ANKRD45: variants seen among roughly 807,000 people sequenced by gnomAD.
ANKRD45 encodes ankyrin repeat domain-containing protein 45.
A neutral mutation model predicts 28.1 loss-of-function variants in ANKRD45; 21 were observed. The observed-to-expected ratio is 0.75, with a 90% confidence interval of 0.53 to 1.08. The LOEUF (loss-of-function observed/expected upper bound fraction) is 1.08, where lower values mean the gene tolerates loss of function less well. Ranked by LOEUF, ANKRD45 falls within the 50% of genes least tolerant of loss-of-function variation. The pLI is 0.00. For synonymous variants in ANKRD45, 86 were observed against 103.9 expected, an observed-to-expected ratio of 0.83 and a Z score of 1.05; for missense variants, 261 against 308.7, an observed-to-expected ratio of 0.85 and a Z score of 1.16.
intron 2 of ANKRD45, among the ~76,000 whole-genome samples, chr1:173,650,044 G>C (rs533055684): frequency 4.6e-5 from 7 of 152,078 alleles, no homozygotes; most frequent in Admixed American, 4.6e-4. Context: ...TATACATTTC[G>C]TGTGGTCTTT....
intron 1 of ANKRD45, chr1:173,669,368 G>A: frequency 2.2e-6 from 1 of 446,066 alleles, no homozygotes; most frequent in Non-Finnish European, 4.5e-6. Context: ...AGATCCTAAT[G>A]TGCCTTTTAA....
chr1:173,609,311 T>A lies in ANKRD45; in HGVS notation c.*834A>T, dbSNP rs1342695946. 6.6e-6 allele frequency among the ~76,000 whole-genome samples: 1 copy of A among 152,166 alleles called. No individual in the cohort carries two copies. The highest frequency in any genetic ancestry group is 6.5e-5 in the Admixed American group (1 of 15,284). ...GAACAGGACAAAGAAGAGAAAGCCA[T>A]AAGAACGAACAATAAGTGCTTTTTA... On this transcript the variant is annotated 3_prime_UTR_variant, in exon 6 of 6. Coordinates refer to ENST00000333279, the MANE Select transcript of ANKRD45 (RefSeq NM_198493.3).
At chr1:173,615,972 G>A (rs554656477) in intron 5 of ANKRD45, among the ~76,000 whole-genome samples, 21 of 151,996 alleles carry the variant, frequency 1.4e-4, no homozygotes, top group Non-Finnish European at 2.1e-4. Context: ...GCATGGTGGC[G>A]GGCGCCTGTA....
chr1:173,698,021 G>A, the ANKRD45 span, among the ~76,000 whole-genome samples: 1 of 151,502 alleles, frequency 6.6e-6, no homozygotes, highest in African/African-American at 2.4e-5. Context: ...TGCAATCCTA[G>A]TCTCCGATAA....
chr1:173,669,877 C>G (rs1288126236), upstream of ANKRD45: 1 of 169,654 alleles, frequency 5.9e-6, no homozygotes, highest in African/African-American at 2.4e-5. Flanking sequence ...GAGGCAGCGC[C>G]TCCTCCTGCG....
At chr1:173,650,884 G>A (rs796876502) in intron 2 of ANKRD45, among the ~76,000 whole-genome samples, 2 of 152,078 alleles carry the variant, frequency 1.3e-5, no homozygotes, top group Non-Finnish European at 2.9e-5. Context: ...TTTGGCTGCA[G>A]AAATGTCTTC....
the ANKRD45 span, among the ~76,000 whole-genome samples, chr1:173,682,071 T>C: frequency 1.3e-5 from 2 of 150,864 alleles, no homozygotes; most frequent in Non-Finnish European, 3.0e-5. Flanking sequence ...AAAATGGCTA[T>C]GTCAAATCAA....
intron 2 of ANKRD45, among the ~76,000 whole-genome samples, chr1:173,649,601 C>A (rs1317109948): frequency 6.6e-6 from 1 of 151,958 alleles, no homozygotes; most frequent in Non-Finnish European, 1.5e-5. Flanking sequence ...TTGTCTGTGG[C>A]TTATTTTGTC....
chr1:173,659,353 ATTTTC>A lies in ANKRD45; in HGVS notation c.61_65del (p.Glu21Ter). 1 of 1,611,266 alleles carries A rather than the reference ATTTTC, an allele frequency of 6.2e-7. No homozygotes were observed. The highest frequency in any genetic ancestry group is 8.5e-7 in the Non-Finnish European group (1 of 1,179,196). ...CTGGTTCTTGGGCTTCTTCTTCTTC[ATTTTC>A]CTCTTCTTGCTGTGAGAAAAATTCT... is the stretch of plus-strand genomic sequence containing the variant. On this transcript the variant is annotated frameshift_variant, in exon 2 of 6. Coordinates refer to ENST00000333279, the MANE Select transcript of ANKRD45 (RefSeq NM_198493.3). LOFTEE classifies it high-confidence loss of function.
chr1:173,670,929 G>A (rs755336514), upstream of ANKRD45, among the ~76,000 whole-genome samples: 14 of 152,192 alleles, frequency 9.2e-5, no homozygotes, highest in Non-Finnish European at 4.4e-5. Context: ...TTTAATAACG[G>A]TCTTGCAAGA....
At chr1:173,691,788 A>AAAAAC in the ANKRD45 span, among the ~76,000 whole-genome samples, 1 of 152,320 alleles carries the variant, frequency 6.6e-6, no homozygotes, top group South Asian at 2.1e-4. Flanking sequence ...CTCCGTCTCA[A>AAAAAC]AAAACAAAAC....
At chr1:173,686,438 C>T in the ANKRD45 span, among the ~76,000 whole-genome samples, 8 of 152,160 alleles carry the variant, frequency 5.3e-5, no homozygotes, top group South Asian at 4.2e-4. Context: ...TCCTGCTGTA[C>T]GAACAGCAGT....
chr1:173,652,218 T>C (rs1669261489), intron 2 of ANKRD45, among the ~76,000 whole-genome samples: 1 of 152,182 alleles, frequency 6.6e-6, no homozygotes, highest in Non-Finnish European at 1.5e-5. Flanking sequence ...TTCAGTATGA[T>C]ATTGGCTGTG....
chr1:173,683,245 T>C, the ANKRD45 span, among the ~76,000 whole-genome samples: 1 of 152,176 alleles, frequency 6.6e-6, no homozygotes, highest in Admixed American at 6.5e-5. Context: ...CCAAGTTACT[T>C]ACAGTTACTT....
chr1:173,707,111 A>G, the ANKRD45 span, among the ~76,000 whole-genome samples: 1 of 152,034 alleles, frequency 6.6e-6, no homozygotes, highest in African/African-American at 2.4e-5. Flanking sequence ...GGCTGTTCAT[A>G]TATTTTGCCC....
At chr1:173,652,770 C>G (rs1244257567) in intron 2 of ANKRD45, among the ~76,000 whole-genome samples, 1 of 152,220 alleles carries the variant, frequency 6.6e-6, no homozygotes, top group Non-Finnish European at 1.5e-5. Flanking sequence ...GCCTCAATTT[C>G]AGATCCTGTT....
At chr1:173,611,026 TC>T (rs1440056004) in intron 5 of ANKRD45, among the ~76,000 whole-genome samples, 1 of 152,154 alleles carries the variant, frequency 6.6e-6, no homozygotes, top group Non-Finnish European at 1.5e-5. Context: ...AGCCGAAACT[TC>T]TAAGTTTAAA....
chr1:173,676,314 C>T, the ANKRD45 span, among the ~76,000 whole-genome samples: 1 of 152,146 alleles, frequency 6.6e-6, no homozygotes, highest in Non-Finnish European at 1.5e-5. Context: ...TAGACAGAAA[C>T]ACATATGCTC....
the ANKRD45 span, among the ~76,000 whole-genome samples, chr1:173,714,272 G>A: frequency 6.6e-6 from 1 of 152,116 alleles, no homozygotes; most frequent in Non-Finnish European, 1.5e-5. Flanking sequence ...GGGAAAATCT[G>A]GAGGAAAAGA....
Sources: gnomAD v4.1 joint callset for allele counts (sites outside exome capture counted in the v4.1 genomes callset) on GRCh38, gnomAD v4.1.1 for gene constraint, MANE v1.5 for transcripts, NCBI Gene and HGNC (gene_info 2026-07-23, HGNC 2026-07-21) for gene names.